TRAF1: variants seen among roughly 807,000 people sequenced by gnomAD.
The protein encoded by TRAF1 is TNF receptor-associated factor 1.
A neutral mutation model predicts 40.9 loss-of-function variants in TRAF1; 23 were observed. The observed-to-expected ratio is 0.56, with a 90% CI of 0.40 to 0.80. The LOEUF is 0.80. TRAF1 is among the 30% of genes least tolerant of loss of function. The pLI, the probability that TRAF1 is intolerant of heterozygous loss-of-function variation, is 0.00. For missense variants in TRAF1, 477 were observed against 528.7 expected (o/e 0.90, Z 0.96); for synonymous variants, 206 against 218.8 (o/e 0.94, Z 0.52).
chr9:120,924,269 T>C (rs2046624093), intron 2 of TRAF1, among the ~76,000 whole-genome samples: 1 of 152,186 alleles, frequency 6.6e-6, no homozygotes, highest in Non-Finnish European at 1.5e-5. Flanking sequence ...TTTGGTCTTA[T>C]ATGTTTAGTA....
chr9:120,905,671 A>G (rs1406795701), intron 7 of TRAF1, among the ~76,000 whole-genome samples: 1 of 152,224 alleles, frequency 6.6e-6, no homozygotes, highest in African/African-American at 2.4e-5. Context: ...GGGGCAAGGC[A>G]GAAGGGCCAG....
Position 120,904,094 on chromosome 9 carries a change from G to A in TRAF1, c.*926C>T, listed in dbSNP as rs554611471. The A allele has an allele frequency of 6.6e-6, 1 of 152,284 alleles. No homozygotes were observed. Among genetic ancestry groups the A allele is most frequent in the African/African-American group, 2.4e-5 (1 of 41,458 alleles). 9.4% of individuals were successfully genotyped at this position (152,284 alleles called of 1,614,324 possible). A position where few individuals can be genotyped will look rare whatever the true frequency, so the allele number is the denominator to read the frequency against. ...TTACGGGATTCTGGAAAGCACCAAA[G>A]GTGGGGCCTCTAGGCAGGAAGAGGA... On this transcript the variant is annotated 3_prime_UTR_variant, in exon 8 of 8. Transcript: ENST00000373887.
Position 120,904,677 on chromosome 9 carries a change from G to T in TRAF1, c.*343C>A. 2 of 302,554 alleles carry T rather than the reference G, an allele frequency of 6.6e-6. No homozygotes were observed. The highest frequency in any genetic ancestry group is 6.3e-6 in the Non-Finnish European group (1 of 157,748). 18.7% of individuals were successfully genotyped at this position (302,554 alleles called of 1,614,324 possible). A position where few individuals can be genotyped will look rare whatever the true frequency, so the allele number is the denominator to read the frequency against. On this transcript the variant is annotated 3_prime_UTR_variant, in exon 8 of 8. Transcript: ENST00000373887. ...CTAGCCCGAGAGCTTCTCTGCTTGG[G>T]TCCTACGGTTCCAAGCCTGGTTCCA... is the stretch of plus-strand genomic sequence containing the variant.
At position 120,911,320 on chromosome 9, in the gene TRAF1, C is replaced by T; in HGVS notation, c.883+16G>A. 1 of 1,609,820 alleles carries T rather than the reference C, an allele frequency of 6.2e-7. No homozygotes were observed. The highest frequency in any genetic ancestry group is 8.5e-7 in the Non-Finnish European group (1 of 1,177,354). ...TGTTTCCCCAGGCAGGTCTCTGTGC[C>T]CCTGGGAGGTGTTACCTGGGGAGAA... On this transcript the variant is annotated intron_variant, in intron 6 of 7. Coordinates refer to ENST00000373887, the MANE Select transcript of TRAF1 (RefSeq NM_005658.5).
In TRAF1 at chr9:120,904,916, C is replaced by T; in HGVS notation, c.*104G>A. 8.5e-7 allele frequency: 1 copy of T among 1,183,324 alleles called. No individual in the cohort carries two copies. The highest frequency in any genetic ancestry group is 1.2e-6 in the Non-Finnish European group (1 of 834,764). The allele number at this position is 1,183,324 out of a possible 1,614,324, so 73.3% of individuals were successfully genotyped here. A position where few individuals can be genotyped will look rare whatever the true frequency, so the allele number is the denominator to read the frequency against. On this transcript the variant is annotated 3_prime_UTR_variant, in exon 8 of 8. Coordinates refer to ENST00000373887, the MANE Select transcript of TRAF1 (RefSeq NM_005658.5). The stretch of plus-strand genomic sequence containing the variant: ...GTCTTGCTTGGATCATGCCAGCCTT[C>T]ACCCATCTTTGTGCCCTGAGGTCTT...
At chr9:120,909,925 C>CCCTATGCCAA (rs1199204462) in intron 6 of TRAF1, among the ~76,000 whole-genome samples, 3 of 152,212 alleles carry the variant, frequency 2.0e-5, no homozygotes, top group Non-Finnish European at 2.9e-5. Context: ...CACAGTTCTG[C>CCCTATGCCAA]CCTATGCCAA....
chr9:120,906,173 G>GT lies in TRAF1; in HGVS notation c.1033-936dup, dbSNP rs35324048. On this transcript the variant is annotated intron_variant, in intron 7 of 7. Transcript: ENST00000373887. Reference sequence around the variant, plus strand: ...AACCCCTCTATAAGAATTATGGTGTGTTTTTTTTTTTTTTTTTTTTTTTGA... The same window carrying GT: ...AACCCCTCTATAAGAATTATGGTGTGTTTTTTTTTTTTTTTTTTTTTTTTGA... Among the ~76,000 whole-genome samples, 834 of 84,748 alleles carry GT rather than the reference G, an allele frequency of 9.8e-3. 12 individuals are homozygous for GT. Among genetic ancestry groups the GT allele is most frequent in the Non-Finnish European group, 0.013 (528 of 41,804 alleles). 55.6% of individuals were successfully genotyped at this position (84,748 alleles called of 152,430 possible). A position where few individuals can be genotyped will look rare whatever the true frequency, so the allele number is the denominator to read the frequency against.
chr9:120,907,441 TG>T (rs1308359790), intron 7 of TRAF1, among the ~76,000 whole-genome samples: 5 of 152,214 alleles, frequency 3.3e-5, no homozygotes, highest in African/African-American at 1.2e-4. Context: ...TGCAGGTTTT[TG>T]TGTAACATAA....
At chr9:120,920,277 A>C (rs2046596625) in intron 3 of TRAF1, among the ~76,000 whole-genome samples, 1 of 152,176 alleles carries the variant, frequency 6.6e-6, no homozygotes, top group Non-Finnish European at 1.5e-5. Context: ...AGCTCAGTAC[A>C]AAGAAAGAGG....
chr9:120,904,781 C>G lies in TRAF1; in HGVS notation c.*239G>C, dbSNP rs920697543. On this transcript the variant is annotated 3_prime_UTR_variant, in exon 8 of 8. Transcript: ENST00000373887. Reference sequence around the variant, plus strand: ...ACTGGCCTCCCAGTGTCGCATGGTCCGTGCAGAGGGGAGCAGCTCTGCCTG... The same window carrying G: ...ACTGGCCTCCCAGTGTCGCATGGTCGGTGCAGAGGGGAGCAGCTCTGCCTG... 3.3e-5 allele frequency: 18 copies of G among 552,178 alleles called. No homozygotes were observed. The highest frequency in any genetic ancestry group is 3.2e-4 in the African/African-American group (17 of 53,046). The allele number at this position is 552,178 out of a possible 1,614,324, so 34.2% of individuals were successfully genotyped here.
chr9:120,914,545 G>A, intron 3 of TRAF1: 2 of 1,154,866 alleles, frequency 1.7e-6, no homozygotes, highest in Non-Finnish European at 1.1e-6. Context: ...TCCTGTCAGG[G>A]CACAGTCCAC....
rs2046525030 is a variant in TRAF1 at position 120,911,343 on chromosome 9, G to A, written c.876C>T (p.Phe292=). 4 of 1,613,146 alleles carry A rather than the reference G, an allele frequency of 2.5e-6. No homozygotes were observed. Among genetic ancestry groups the A allele is most frequent in the Non-Finnish European group, 3.4e-6 (4 of 1,179,790 alleles). ...ESACGRTVSL[F]SPAFYTAKYG... is the part of the protein sequence containing the mutation. ...GCCCCTGGGAGGTGTTACCTGGGGA[G>A]AAGAGGCTGACGGTCCTGCCACAGG... is the stretch of plus-strand genomic sequence containing the variant. The change falls in exon 6 of 8, where the codon TTC becomes TTT. Residue 292 remains phenylalanine, a synonymous_variant. Coordinates refer to ENST00000373887, the MANE Select transcript of TRAF1 (RefSeq NM_005658.5).
intron 2 of TRAF1, among the ~76,000 whole-genome samples, chr9:120,925,235 C>G (rs7045264): frequency 9.5e-4 from 144 of 152,300 alleles, no homozygotes; most frequent in African/African-American, 3.4e-3. Context: ...ATCTGTTAGG[C>G]CTCAGTGTTC....
intron 7 of TRAF1, among the ~76,000 whole-genome samples, chr9:120,907,800 A>G (rs1312094444): frequency 1.3e-5 from 2 of 152,182 alleles, no homozygotes; most frequent in African/African-American, 4.8e-5. Context: ...GAGGAAGAAG[A>G]GTGGGCAGCC....
intron 3 of TRAF1, 175 bp from the exon 4 acceptor site, chr9:120,914,475 G>A: frequency 8.2e-7 from 1 of 1,221,930 alleles, no homozygotes; most frequent in Non-Finnish European, 1.0e-6. Context: ...ACCCTTCCAT[G>A]ACCTTCCTTC....
chr9:120,909,202 C>G (rs967528095), intron 7 of TRAF1, 28 bp downstream of exon 7: 3 of 1,609,800 alleles, frequency 1.9e-6, no homozygotes, highest in Non-Finnish European at 2.5e-6. Flanking sequence ...TGCTCCCCAC[C>G]TTACCCCCAT....
intron 7 of TRAF1, among the ~76,000 whole-genome samples, chr9:120,906,428 C>G (rs1035955680): frequency 6.6e-6 from 1 of 152,166 alleles, no homozygotes; most frequent in Non-Finnish European, 1.5e-5. Context: ...ATCCACCCAC[C>G]TCGGCCTTCC....
At position 120,903,946 on chromosome 9, in the gene TRAF1, T is replaced by A. The variant is rs552783429; in HGVS notation, c.*1074A>T. 2.0e-5 allele frequency: 3 copies of A among 152,376 alleles called. No homozygotes were observed. In the South Asian group the frequency reaches 6.2e-4, roughly 32 times the overall value. The allele number at this position is 152,376 out of a possible 1,614,324, so 9.4% of individuals were successfully genotyped here. On this transcript the variant is annotated 3_prime_UTR_variant, in exon 8 of 8. Transcript: ENST00000373887. ...CTCAGTACAAACAACTCCCAAACCA[T>A]ACACTTTAGGAAAACTTCGAAAGAG...
At chr9:120,919,159 G>A (rs114544853) in intron 3 of TRAF1, among the ~76,000 whole-genome samples, 1 of 152,194 alleles carries the variant, frequency 6.6e-6, no homozygotes, top group Non-Finnish European at 1.5e-5. Flanking sequence ...ATCTGTCCTG[G>A]GCCAACCCTG....
Sources: gnomAD v4.1 joint callset for allele counts (sites outside exome capture counted in the v4.1 genomes callset) on GRCh38, gnomAD v4.1.1 for gene constraint, MANE v1.5 for transcripts, NCBI Gene and HGNC (gene_info 2026-07-23, HGNC 2026-07-21) for gene names.